FAT1: variants seen among roughly 807,000 people sequenced by gnomAD.
FAT1 encodes the protein protocadherin Fat 1.
Under a neutral mutation model 329.8 loss-of-function variants are expected in FAT1, and 171 were observed. The ratio of observed to expected loss-of-function variants is 0.52; its 90% confidence interval spans 0.46 to 0.59. FAT1 has a LOEUF of 0.59. FAT1 is among the 20% of genes least tolerant of loss of function. The pLI, the probability that FAT1 is intolerant of heterozygous loss-of-function variation, is 0.00. For synonymous variants in FAT1, 2,233 were observed against 2,228.6 expected, an observed-to-expected ratio of 1.00 and a Z score of -0.06; for missense variants, 5,672 against 5,774.4, an observed-to-expected ratio of 0.98 and a Z score of 0.57.
At chr4:186,714,903 C>A (rs1468275128) in intron 1 of FAT1, among the ~76,000 whole-genome samples, 1 of 152,068 alleles carries the variant, frequency 6.6e-6, no homozygotes, top group Non-Finnish European at 1.5e-5. Context: ...CATGGTGAAA[C>A]CCTGTCTCTA....
In FAT1 at chr4:186,709,601, GAA is replaced by G; in HGVS notation, c.225_226del (p.Ser76ArgfsTer4). On this transcript the variant is annotated frameshift_variant, in exon 2 of 27. Transcript: ENST00000441802. LOFTEE classifies it high-confidence loss of function. Reference sequence around the variant, plus strand: ...TTTGAACAGGTTTTCACTGTCTCCGGAAACAATTTTGTACCTTACTTCCCACG... The same window carrying G: ...TTTGAACAGGTTTTCACTGTCTCCGGACAATTTTGTACCTTACTTCCCACG... The G allele has an allele frequency of 6.2e-7, 1 of 1,613,902 alleles. No homozygotes were observed. Among genetic ancestry groups the G allele is most frequent in the South Asian group, 1.1e-5 (1 of 91,072 alleles).
In FAT1 at chr4:186,708,211, A is replaced by C. The variant is rs1744743177; in HGVS notation, c.1617T>G (p.Arg539=). 1 of 1,613,900 alleles carries C rather than the reference A, an allele frequency of 6.2e-7. No homozygotes were observed. Among genetic ancestry groups the C allele is most frequent in the Admixed American group, 1.7e-5 (1 of 60,010 alleles). ...GGTACGGCAAGCCCCAGTCTGATGCACGAATCCTCAGAGTATAAACCCGAG... is the reference window on the plus strand; with the variant it reads ...GGTACGGCAAGCCCCAGTCTGATGCCCGAATCCTCAGAGTATAAACCCGAG... ...LMPRVYTLRI[R]ASDWGLPYRR... is the part of the protein sequence containing the mutation. The change falls in exon 2 of 27, where the codon CGT becomes CGG. Residue 539 remains arginine, a synonymous_variant. Transcript: ENST00000441802.
chr4:186,700,733 C>CATTGACGT (rs1484937721), intron 2 of FAT1, among the ~76,000 whole-genome samples: 1 of 152,208 alleles, frequency 6.6e-6, no homozygotes, highest in African/African-American at 2.4e-5. Context: ...CTTAACCTCT[C>CATTGACGT]ATTGACGTTT....
rs761858570 is a variant in FAT1, at chr4:186,603,995, T to C, written c.10549-18A>G. 56 of 1,577,240 alleles carry C rather than the reference T, an allele frequency of 3.6e-5. No homozygotes were observed. The highest frequency in any genetic ancestry group is 3.1e-5 in the Non-Finnish European group (36 of 1,150,488). On this transcript the variant is annotated intron_variant, in intron 18 of 26. Transcript: ENST00000441802. ...TCTGCCACCTACAAGAAAAGAAAAA[T>C]AAAATCACCTTTGTCTATGGCACTG...
At chr4:186,645,968 T>C (rs11728473) in intron 3 of FAT1, among the ~76,000 whole-genome samples, 36,248 of 105,028 alleles carry the variant, frequency 0.35, 8,208 homozygotes, top group Middle Eastern at 0.42. Flanking sequence ...AAAAAATATA[T>C]ACACACACAC....
At position 186,588,971 on chromosome 4, in the gene FAT1, T is replaced by C. The variant is rs1579278596; in HGVS notation, c.13388A>G (p.His4463Arg). Residue 4463 changes from histidine to arginine, a missense_variant, in exon 27 of 27, where the codon CAC becomes CGC. Physicochemically the swap from His to Arg is conservative, Grantham distance 29. Coordinates refer to ENST00000441802, the MANE Select transcript of FAT1 (RefSeq NM_005245.4). The part of the protein sequence containing the change: ...PEFSNQFESI[H>R]PPRDMPAAGS... ...CGCGGCAGGCATGTCTCTAGGAGGGTGGATGGATTCAAACTGATTGCTGAA... is the reference window on the plus strand; with the variant it reads ...CGCGGCAGGCATGTCTCTAGGAGGGCGGATGGATTCAAACTGATTGCTGAA... 6.2e-7 allele frequency: 1 copy of C among 1,613,666 alleles called. No individual in the cohort carries two copies. Among genetic ancestry groups the C allele is most frequent in the Non-Finnish European group, 8.5e-7 (1 of 1,179,796 alleles).
chr4:186,705,195 G>A lies in FAT1; in HGVS notation c.3265+1368C>T, dbSNP rs368201958. ...CTGGCCTCAAGCAATCCTCCCACCT[G>A]CGCCTCCCAAAGTGCTGCGATTACA... is the stretch of plus-strand genomic sequence containing the variant. On this transcript the variant is annotated intron_variant, in intron 2 of 26. Coordinates refer to ENST00000441802, the MANE Select transcript of FAT1 (RefSeq NM_005245.4). Among the ~76,000 whole-genome samples, 69 of 148,514 alleles carry A rather than the reference G, an allele frequency of 4.6e-4. 1 individual carries two copies. The highest frequency in any genetic ancestry group is 1.7e-3 in the African/African-American group (67 of 40,200).
At chr4:186,671,069 T>A (rs11723473) in intron 2 of FAT1, among the ~76,000 whole-genome samples, 23,684 of 152,056 alleles carry the variant, frequency 0.16, 2,242 homozygotes, top group East Asian at 0.47. Context: ...TTTATTTTTT[T>A]AAAAAGTTGT....
At chr4:186,609,780 T>C (rs1019645101) in intron 15 of FAT1, 21 bp downstream of exon 15, 4 of 1,555,656 alleles carry the variant, frequency 2.6e-6, no homozygotes, top group African/African-American at 2.7e-5. Flanking sequence ...GTTTTCACTG[T>C]AATGGGGAAA....
At chr4:186,687,397 CA>C (rs755321596) in intron 2 of FAT1, among the ~76,000 whole-genome samples, 6 of 149,972 alleles carry the variant, frequency 4.0e-5, no homozygotes, top group African/African-American at 1.5e-4. Flanking sequence ...AACAAACAAA[CA>C]AAAAAAAAGA....
At chr4:186,722,816 T>C (rs913894276) in intron 1 of FAT1, among the ~76,000 whole-genome samples, 2 of 152,026 alleles carry the variant, frequency 1.3e-5, no homozygotes, top group Non-Finnish European at 2.9e-5. Flanking sequence ...ACTGTTAATA[T>C]CCACTTTTAA....
chr4:186,598,393 A>C (rs1363059536), intron 22 of FAT1: 1 of 325,372 alleles, frequency 3.1e-6, no homozygotes, highest in Admixed American at 4.5e-5. Context: ...GGAGGAAAAT[A>C]CAGTTCTTTA....
chr4:186,722,515 C>G (rs1561022527), intron 1 of FAT1, among the ~76,000 whole-genome samples: 1 of 152,204 alleles, frequency 6.6e-6, no homozygotes, highest in African/African-American at 2.4e-5. Context: ...ACTGTGGAAT[C>G]AGAGCTGTCT....
intron 13 of FAT1, 50 bp from the exon 14 acceptor site, chr4:186,611,825 C>CA: frequency 7.2e-7 from 1 of 1,394,714 alleles, no homozygotes; most frequent in Non-Finnish European, 9.7e-7. Flanking sequence ...AAAAGTTTAA[C>CA]ACTTTTTTTT....
Position 186,707,995 on chromosome 4 carries a change from T to C in FAT1, c.1833A>G (p.Glu611=), listed in dbSNP as rs2126692991. The change falls in exon 2 of 27, where the codon GAA becomes GAG. Residue 611 remains glutamate, a synonymous_variant. Coordinates refer to ENST00000441802, the MANE Select transcript of FAT1 (RefSeq NM_005245.4). ...LVQYQIEAGN[E]LDFFSLNPNS... is the part of the protein sequence containing the mutation. ...TGGGGTTTAAACTAAAGAAATCCAG[T>C]TCATTTCCAGCTTCAATCTGATACT... The C allele has an allele frequency of 6.2e-7, 1 of 1,613,920 alleles. No individual in the cohort carries two copies. The highest frequency in any genetic ancestry group is 1.1e-5 in the South Asian group (1 of 91,076).
chr4:186,681,425 G>C (rs1220138037), intron 2 of FAT1, among the ~76,000 whole-genome samples: 1 of 152,130 alleles, frequency 6.6e-6, no homozygotes, highest in Non-Finnish European at 1.5e-5. Flanking sequence ...CCTAACCTCT[G>C]TATTTCCAAG....
At chr4:186,647,820 T>G (rs1741449942) in intron 3 of FAT1, among the ~76,000 whole-genome samples, 1 of 152,180 alleles carries the variant, frequency 6.6e-6, no homozygotes, top group African/African-American at 2.4e-5. Flanking sequence ...TCAGTGTAAT[T>G]TCTTCAGGAG....
At chr4:186,628,789 T>C in intron 7 of FAT1, 26 bp from the exon 8 acceptor site, 2 of 1,596,726 alleles carry the variant, frequency 1.3e-6, no homozygotes, top group Non-Finnish European at 8.5e-7. Context: ...AAATGACTCA[T>C]ACAATATTTC....
rs773192852 is a variant in FAT1, at chr4:186,709,097, G to A, written c.731C>T (p.Thr244Met). ...SSGISSMAKLTVHIEQANECA... is the reference protein window; with the variant it reads ...SSGISSMAKLMVHIEQANECA... ...TTCATTGGCCTGTTCGATGTGCACC[G>A]TTAGCTTGGCCATGCTGCTGATGCC... is the stretch of plus-strand genomic sequence containing the variant. Residue 244 changes from threonine to methionine, a missense_variant, in exon 2 of 27, where the codon ACG (threonine) becomes ATG (methionine). Thr to Met is a moderately conservative substitution (Grantham distance 81). Around this residue, in one of 2 missense-constraint regions of FAT1, gnomAD observed 3,966 missense variants for 3,915.2 expected, o/e 1.01. Coordinates refer to ENST00000441802, the MANE Select transcript of FAT1 (RefSeq NM_005245.4). The A allele has an allele frequency of 1.7e-5, 28 of 1,613,684 alleles. No individual in the cohort carries two copies. Among genetic ancestry groups the A allele is most frequent in the African/African-American group, 8.0e-5 (6 of 74,906 alleles).
Sources: allele counts gnomAD v4.1 joint callset (sites outside exome capture counted in the v4.1 genomes callset), GRCh38; gene constraint gnomAD v4.1.1; regional missense constraint gnomAD v4.1.1; transcripts MANE v1.5; gene names NCBI Gene and HGNC (gene_info 2026-07-23, HGNC 2026-07-21).